The following PSD3 variants were observed in gnomAD, a reference collection of about 807,000 sequenced individuals.
The protein encoded by PSD3 is PH and SEC7 domain-containing protein 3.
In PSD3, 49 loss-of-function variants were observed where a neutral mutation model predicts 105.5. The observed-to-expected ratio is 0.46, with a 90% CI of 0.37 to 0.59. The LOEUF (loss-of-function observed/expected upper bound fraction) is 0.59. Among genes scored for constraint, PSD3 ranks in the 20% least tolerant of loss-of-function variants. PSD3 has a pLI of 0.00. For missense variants in PSD3, 1,561 were observed against 1,263.8 expected (o/e 1.24, Z -3.57); for synonymous variants, 557 against 457.8 (o/e 1.22, Z -2.77).
intron 1 of PSD3, among the ~76,000 whole-genome samples, chr8:19,010,062 C>T (rs1465591951): frequency 1.3e-5 from 2 of 152,126 alleles, no homozygotes; most frequent in African/African-American, 4.8e-5. Context: ...TAAAAATATC[C>T]TTCAACATGT....
At chr8:18,555,946 C>T (rs1017471025) in intron 15 of PSD3, among the ~76,000 whole-genome samples, 2 of 152,140 alleles carry the variant, frequency 1.3e-5, no homozygotes, top group Non-Finnish European at 2.9e-5. Flanking sequence ...TTCTTCCCCT[C>T]ACAGCGGGCG....
intron 15 of PSD3, among the ~76,000 whole-genome samples, chr8:18,548,190 T>A (rs1800561131): frequency 6.6e-6 from 1 of 152,144 alleles, no homozygotes; most frequent in South Asian, 2.1e-4. Context: ...GAACTTTTGT[T>A]CTTGTATTGT....
intron 4 of PSD3, among the ~76,000 whole-genome samples, chr8:18,826,295 G>A (rs1053610916): frequency 2.0e-5 from 3 of 152,118 alleles, no homozygotes; most frequent in African/African-American, 4.8e-5. Context: ...CCGTAATCAC[G>A]TGAACCAATT....
At chr8:18,970,885 A>G (rs1215883615) in intron 1 of PSD3, among the ~76,000 whole-genome samples, 2 of 151,872 alleles carry the variant, frequency 1.3e-5, no homozygotes, top group Non-Finnish European at 2.9e-5. Context: ...AGGCTGAGAC[A>G]GGAGAATCAC....
At chr8:18,800,409 C>T (rs1437201184) in intron 7 of PSD3, among the ~76,000 whole-genome samples, 1 of 152,148 alleles carries the variant, frequency 6.6e-6, no homozygotes, top group African/African-American at 2.4e-5. Flanking sequence ...GAGGCAAGCA[C>T]CTTGGCCAAT....
At chr8:18,966,274 A>G (rs1015239486) in intron 1 of PSD3, among the ~76,000 whole-genome samples, 1 of 152,112 alleles carries the variant, frequency 6.6e-6, no homozygotes, top group South Asian at 2.1e-4. Context: ...GCTGTCAAAC[A>G]GAGTCATTTT....
At chr8:18,951,188 A>G (rs1337025008) in intron 1 of PSD3, among the ~76,000 whole-genome samples, 1 of 152,166 alleles carries the variant, frequency 6.6e-6, no homozygotes, top group East Asian at 1.9e-4. Flanking sequence ...TGAGCCCAGG[A>G]GTTCAAGACC....
chr8:18,869,597 C>T (rs967124256), intron 3 of PSD3, among the ~76,000 whole-genome samples: 2 of 152,204 alleles, frequency 1.3e-5, no homozygotes, highest in African/African-American at 4.8e-5. Flanking sequence ...CAGCAGCCTC[C>T]TGTGCACATG....
intron 1 of PSD3, among the ~76,000 whole-genome samples, chr8:19,037,536 G>A (rs1827984872): frequency 6.6e-6 from 1 of 152,224 alleles, no homozygotes. Flanking sequence ...GGTGTTTCCA[G>A]AAGAGATTCA....
chr8:18,637,109 A>G (rs1222441327), intron 10 of PSD3, among the ~76,000 whole-genome samples: 1 of 152,204 alleles, frequency 6.6e-6, no homozygotes, highest in Admixed American at 6.5e-5. Flanking sequence ...CAGTAAACAT[A>G]TAAAAGAGTT....
chr8:18,678,752 C>T (rs535893709), intron 9 of PSD3, among the ~76,000 whole-genome samples: 10 of 151,936 alleles, frequency 6.6e-5, no homozygotes, highest in Non-Finnish European at 1.5e-4. Flanking sequence ...GCAGAGGTTG[C>T]GGTGAGCCGA....
intron 2 of PSD3, among the ~76,000 whole-genome samples, chr8:18,902,009 A>G (rs540920460): frequency 2.0e-5 from 3 of 152,272 alleles, no homozygotes; most frequent in South Asian, 2.1e-4. Context: ...GCCTCAGGCA[A>G]AAAAGAAAAA....
intron 12 of PSD3, among the ~76,000 whole-genome samples, chr8:18,591,526 C>T (rs1272160889): frequency 1.3e-5 from 2 of 152,066 alleles, no homozygotes; most frequent in East Asian, 1.9e-4. Flanking sequence ...CTCTTCTTGG[C>T]CCCAAGGGAC....
intron 9 of PSD3, among the ~76,000 whole-genome samples, chr8:18,726,570 A>C (rs1803347848): frequency 6.6e-6 from 1 of 152,214 alleles, no homozygotes; most frequent in Non-Finnish European, 1.5e-5. Flanking sequence ...CATTCCCATG[A>C]CTTTAATTCA....
chr8:18,965,670 A>G (rs1824193550), intron 1 of PSD3, among the ~76,000 whole-genome samples: 2 of 152,256 alleles, frequency 1.3e-5, no homozygotes, highest in Admixed American at 6.5e-5. Context: ...AAAGTGTCCA[A>G]TCCAACAAGC....
Position 18,945,168 on chromosome 8 carries a change from A to G in PSD3, c.22-9026T>C, listed in dbSNP as rs577486975. On this transcript the variant is annotated intron_variant, in intron 1 of 15. Transcript: ENST00000327040. ...AAAATGTCTACATTCTAATCTCTGG[A>G]ACCTGTGAATGTCACCTTACATGGC... Among the ~76,000 whole-genome samples the G allele has an allele frequency of 6.7e-4, 102 of 152,320 alleles. 1 individual carries two copies. Among genetic ancestry groups the G allele is most frequent in the Non-Finnish European group, 3.1e-4 (21 of 68,028 alleles).
At chr8:18,751,155 C>T (rs1398504411) in intron 9 of PSD3, among the ~76,000 whole-genome samples, 2 of 152,162 alleles carry the variant, frequency 1.3e-5, no homozygotes, top group Non-Finnish European at 2.9e-5. Context: ...AAGGCTCAGG[C>T]ATGGCGGGCT....
intron 1 of PSD3, among the ~76,000 whole-genome samples, chr8:19,047,197 C>T (rs987754371): frequency 1.3e-5 from 2 of 152,188 alleles, no homozygotes; most frequent in African/African-American, 4.8e-5. Flanking sequence ...TGTTGATTTG[C>T]TGATGATAAA....
At chr8:18,962,141 G>T (rs753623205) in intron 1 of PSD3, among the ~76,000 whole-genome samples, 1 of 152,002 alleles carries the variant, frequency 6.6e-6, no homozygotes, top group Non-Finnish European at 1.5e-5. Flanking sequence ...AGCTACTTGG[G>T]AGGCTGAGGC....
Sources: allele counts gnomAD v4.1 joint callset (sites outside exome capture counted in the v4.1 genomes callset), GRCh38; gene constraint gnomAD v4.1.1; transcripts MANE v1.5; gene names NCBI Gene and HGNC (gene_info 2026-07-23, HGNC 2026-07-21).